The following PRKD3 variants were observed in gnomAD, a reference collection of about 807,000 sequenced individuals.
PRKD3 encodes the protein protein kinase D3, also known as serine/threonine-protein kinase D3.
Under a neutral mutation model 99.2 loss-of-function variants are expected in PRKD3, and 47 were observed. The observed-to-expected ratio is 0.47, with a 90% CI of 0.38 to 0.60. The LOEUF is 0.60. Ranked by LOEUF, PRKD3 falls within the 20% of genes least tolerant of loss-of-function variation. The probability of loss-of-function intolerance (pLI) is 0.00; values close to 1 mark genes in which losing one functional copy is unlikely to be tolerated. For missense variants in PRKD3, 1,019 were observed against 1,088.4 expected (o/e 0.94, Z 0.90); for synonymous variants, 392 against 355.4 (o/e 1.10, Z -1.16).
chr2:37,270,284 T>TA (rs76789424), intron 12 of PRKD3, among the ~76,000 whole-genome samples: 2 of 142,432 alleles, frequency 1.4e-5, no homozygotes, highest in East Asian at 2.0e-4. Context: ...CAAATCTACC[T>TA]AAAAAAAATT....
In PRKD3 at chr2:37,286,338, A is replaced by C. The variant is rs774037988; in HGVS notation, c.749T>G (p.Ile250Ser). Residue 250 changes from isoleucine to serine, a missense_variant, in exon 6 of 19, where the codon ATT becomes AGT. This residue lies in a region of PRKD3 where 710 missense variants were observed against 692.7 expected (regional missense o/e 1.02). Coordinates refer to ENST00000234179, the MANE Select transcript of PRKD3 (RefSeq NM_005813.6). ...SHVHQEPSKR[I>S]PSWSGRPIWM... ...GATTGGGCGACCACTCCAAGAAGGA[A>C]TTCTCTTACTTGGTTCCTGGTGGAC... The C allele has an allele frequency of 6.2e-7, 1 of 1,614,084 alleles. No homozygotes were observed.
Position 37,277,767 on chromosome 2 carries a change from C to T in PRKD3, c.1296+99G>A, listed in dbSNP as rs1240035641. 4 of 1,336,204 alleles carry T rather than the reference C, an allele frequency of 3.0e-6. No homozygotes were observed. The Admixed American group carries it at 8.3e-5, about 28-fold the overall frequency. 82.8% of individuals were successfully genotyped at this position (1,336,204 alleles called of 1,614,324 possible). On this transcript the variant is annotated intron_variant, in intron 9 of 18. Coordinates refer to ENST00000234179, the MANE Select transcript of PRKD3 (RefSeq NM_005813.6). ...CAAATTGCTGTGGTGTATATAATGTCTTAATATGTATCTCATCATCATTTT... is the reference window on the plus strand; with the variant it reads ...CAAATTGCTGTGGTGTATATAATGTTTTAATATGTATCTCATCATCATTTT...
chr2:37,276,633 A>G (rs1669582488), intron 9 of PRKD3, among the ~76,000 whole-genome samples: 1 of 151,936 alleles, frequency 6.6e-6, no homozygotes, highest in African/African-American at 2.4e-5. Context: ...ATTTTGCCAC[A>G]TATCATTTTT....
intron 2 of PRKD3, among the ~76,000 whole-genome samples, chr2:37,298,115 T>A (rs1670754078): frequency 6.6e-6 from 1 of 152,188 alleles, no homozygotes; most frequent in South Asian, 2.1e-4. Context: ...CTTTCAGATA[T>A]AATATGTACT....
chr2:37,297,570 C>T (rs1406386377), intron 2 of PRKD3, among the ~76,000 whole-genome samples: 1 of 152,148 alleles, frequency 6.6e-6, no homozygotes, highest in African/African-American at 2.4e-5. Context: ...GAATCCCATC[C>T]ATACCACATC....
chr2:37,316,364 CTG>C lies in PRKD3; in HGVS notation c.159_160del (p.Gly55LeufsTer21), dbSNP rs1219633084. On this transcript the variant is annotated frameshift_variant, in exon 2 of 19. Transcript: ENST00000234179. LOFTEE classifies it high-confidence loss of function. Reference sequence around the variant, plus strand: ...AAATGAAACTGTATGCACTGAGCCTCTGGAGTTGGTGAGTGATGGTGCACTGA... The same window carrying C: ...AAATGAAACTGTATGCACTGAGCCTCGAGTTGGTGAGTGATGGTGCACTGA... 1 of 1,614,190 alleles carries C rather than the reference CTG, an allele frequency of 6.2e-7. No homozygotes were observed. Among genetic ancestry groups the C allele is most frequent in the Non-Finnish European group, 8.5e-7 (1 of 1,180,024 alleles).
intron 1 of PRKD3, among the ~76,000 whole-genome samples, chr2:37,318,986 T>C (rs1414551163): frequency 6.6e-6 from 1 of 152,184 alleles, no homozygotes; most frequent in African/African-American, 2.4e-5. Flanking sequence ...CACATTTACA[T>C]CTTGGAAAAT....
At chr2:37,293,092 T>C (rs201504699) in intron 3 of PRKD3, 41 bp downstream of exon 3, 1,394 of 1,507,590 alleles carry the variant, frequency 9.2e-4, no homozygotes, top group Non-Finnish European at 1.2e-3. Context: ...TTAGGCTCTT[T>C]GAGGGGAAAA....
intron 5 of PRKD3, 56 bp from the exon 6 acceptor site, chr2:37,286,425 G>A: frequency 7.0e-7 from 1 of 1,426,934 alleles, no homozygotes; most frequent in Middle Eastern, 1.8e-4. Flanking sequence ...AGAGTAGTGG[G>A]AGCAGAGCTT....
At chr2:37,268,414 C>A in intron 13 of PRKD3, 1 of 462,160 alleles carries the variant, frequency 2.2e-6, no homozygotes, top group Non-Finnish European at 4.5e-6. Flanking sequence ...CATGCAGAGT[C>A]AACACATTTT....
chr2:37,280,126 C>A lies in PRKD3; in HGVS notation c.989-197G>T, dbSNP rs113653887. ...GGAGTGTGATCTCGGCTCACTGCAA[C>A]CTCTACCTCCTGGGTTCAAGCGATT... On this transcript the variant is annotated intron_variant, in intron 7 of 18. Coordinates refer to ENST00000234179, the MANE Select transcript of PRKD3 (RefSeq NM_005813.6). Among the ~76,000 whole-genome samples the A allele has an allele frequency of 5.2e-3, 782 of 149,898 alleles. 10 individuals are homozygous for A. The highest frequency in any genetic ancestry group is 0.018 in the African/African-American group (716 of 40,714).
intron 2 of PRKD3, among the ~76,000 whole-genome samples, chr2:37,296,265 T>G (rs192503564): frequency 6.6e-6 from 1 of 152,102 alleles, no homozygotes; most frequent in East Asian, 1.9e-4. Flanking sequence ...AATGTATGAC[T>G]TGGAAAAAAT....
At chr2:37,257,666 CAAAAGAAAAAAAAA>C (rs1668079831) in intron 16 of PRKD3, among the ~76,000 whole-genome samples, 1 of 62,436 alleles carries the variant, frequency 1.6e-5, no homozygotes, top group Admixed American at 1.8e-4. Context: ...GACTCTGTCT[CAAAAGAAAAAAAAA>C]AAAAAAAAAA....
intron 6 of PRKD3, among the ~76,000 whole-genome samples, chr2:37,283,931 G>A (rs1008018451): frequency 2.0e-5 from 3 of 149,832 alleles, no homozygotes; most frequent in East Asian, 2.0e-4. Flanking sequence ...ATTCAGAGCC[G>A]AATTTGTGGA....
Position 37,252,031 on chromosome 2 carries a change from G to A in PRKD3, c.*1146C>T, listed in dbSNP as rs954216562. The A allele has an allele frequency of 4.6e-5, 7 of 152,094 alleles. No individual in the cohort carries two copies. Among genetic ancestry groups the A allele is most frequent in the Admixed American group, 3.3e-4 (5 of 15,246 alleles). The allele number at this position is 152,094 out of a possible 1,614,324, so 9.4% of individuals were successfully genotyped here. A position where few individuals can be genotyped will look rare whatever the true frequency, so the allele number is the denominator to read the frequency against. ...TGCTGGAGCTGAAATGTAAAAAGAA[G>A]TACTTCTTTCATTCTTTAATTTGCT... is the stretch of plus-strand genomic sequence containing the variant. On this transcript the variant is annotated 3_prime_UTR_variant, in exon 19 of 19. Transcript: ENST00000234179.
At chr2:37,308,297 T>G (rs1156706640) in intron 2 of PRKD3, among the ~76,000 whole-genome samples, 1 of 152,230 alleles carries the variant, frequency 6.6e-6, no homozygotes, top group Non-Finnish European at 1.5e-5. Context: ...AACTGATCTT[T>G]TCATGTTTTC....
intron 16 of PRKD3, among the ~76,000 whole-genome samples, chr2:37,258,115 A>G (rs969245580): frequency 1.1e-4 from 16 of 152,234 alleles, no homozygotes; most frequent in African/African-American, 3.9e-4. Context: ...TCTGACTTAA[A>G]AAATGTCTTT....
chr2:37,293,191 C>T lies in PRKD3; in HGVS notation c.369G>A (p.Gln123=), dbSNP rs142868526. ...GTATTTCATCTGCTGAGGTAATCAG[C>T]TGCAAAATGTTTTCTGAGTTCATGT... is the stretch of plus-strand genomic sequence containing the variant. ...RHDMNSENIL[Q]LITSADEIHE... The change falls in exon 3 of 19, where the codon CAG becomes CAA. Residue 123 remains glutamine, a synonymous_variant. Coordinates refer to ENST00000234179, the MANE Select transcript of PRKD3 (RefSeq NM_005813.6). The T allele has an allele frequency of 3.8e-5, 61 of 1,604,674 alleles. No homozygotes were observed. The highest frequency in any genetic ancestry group is 1.7e-4 in the Middle Eastern group (1 of 6,058).
At position 37,274,670 on chromosome 2, in the gene PRKD3, T is replaced by G. The variant is rs145739051; in HGVS notation, c.1402A>C (p.Ile468Leu). 6.2e-7 allele frequency: 1 copy of G among 1,613,672 alleles called. No homozygotes were observed. Among genetic ancestry groups the G allele is most frequent in the South Asian group, 1.1e-5 (1 of 91,008 alleles). Reference sequence around the variant, plus strand: ...TTTGTGAAATCTCGTGGTGAAGATATGCGGAGAATTTCTGAAAGTGGAATT... The same window carrying G: ...TTTGTGAAATCTCGTGGTGAAGATAGGCGGAGAATTTCTGAAAGTGGAATT... ...KEIPLSEILRISSPRDFTNIS... is the reference protein window; with the variant it reads ...KEIPLSEILRLSSPRDFTNIS... The change falls in exon 11 of 19, where the codon ATA becomes CTA. Residue 468 changes from isoleucine (I) to leucine (L), a missense_variant. Physicochemically the swap from Ile to Leu is conservative, Grantham distance 5. Coordinates refer to ENST00000234179, the MANE Select transcript of PRKD3 (RefSeq NM_005813.6).
Sources: gnomAD v4.1 joint callset for allele counts (sites outside exome capture counted in the v4.1 genomes callset) on GRCh38, gnomAD v4.1.1 for gene constraint, gnomAD v4.1.1 regional missense constraint, MANE v1.5 for transcripts, NCBI Gene and HGNC (gene_info 2026-07-23, HGNC 2026-07-21) for gene names.